PAK1: variants seen among roughly 807,000 people sequenced by gnomAD.
PAK1 encodes p21 (RAC1) activated kinase 1.
PAK1 carries 29 observed loss-of-function variants against 67.4 expected under a neutral mutation model. That is an observed-to-expected ratio of 0.43 (90% CI 0.32 to 0.59). The LOEUF (loss-of-function observed/expected upper bound fraction) is 0.59. Among genes scored for constraint, PAK1 ranks in the 20% least tolerant of loss-of-function variants. PAK1 has a pLI of 0.07. For synonymous variants in PAK1, 223 were observed against 237.4 expected, an observed-to-expected ratio of 0.94 and a Z score of 0.56; for missense variants, 337 against 670.7, an observed-to-expected ratio of 0.50 and a Z score of 5.50.
At chr11:77,488,771 T>TA in the PAK1 span, among the ~76,000 whole-genome samples, 1 of 151,744 alleles carries the variant, frequency 6.6e-6, no homozygotes, top group Admixed American at 6.6e-5. Context: ...AAGAATTTTT[T>TA]AAAAAAGGAA....
At chr11:77,362,783 A>AATAGT (rs1457324286) in intron 5 of PAK1, among the ~76,000 whole-genome samples, 2 of 152,248 alleles carry the variant, frequency 1.3e-5, no homozygotes, top group African/African-American at 2.4e-5. Context: ...TGTCTTATCC[A>AATAGT]ATAGTAGTAT....
At chr11:77,372,330 T>C (rs985690417) in intron 5 of PAK1, among the ~76,000 whole-genome samples, 1 of 152,182 alleles carries the variant, frequency 6.6e-6, no homozygotes, top group Non-Finnish European at 1.5e-5. Context: ...GAAAGCAGTA[T>C]AGGCTGGGAA....
chr11:77,488,772 A>T, the PAK1 span, among the ~76,000 whole-genome samples: 8 of 152,114 alleles, frequency 5.3e-5, no homozygotes, highest in South Asian at 1.7e-3. Context: ...AGAATTTTTT[A>T]AAAAAGGAAG....
chr11:77,394,015 G>T (rs1432273967), intron 1 of PAK1, among the ~76,000 whole-genome samples: 1 of 152,000 alleles, frequency 6.6e-6, no homozygotes, highest in Admixed American at 6.6e-5. Flanking sequence ...AATAAATAAA[G>T]ATGGGGGGGA....
At chr11:77,355,247 T>C (rs1226018027) in intron 7 of PAK1, among the ~76,000 whole-genome samples, 6 of 152,140 alleles carry the variant, frequency 3.9e-5, no homozygotes, top group African/African-American at 1.4e-4. Context: ...TAACTTCCCT[T>C]CCCTCTTTTC....
chr11:77,465,457 G>GA (rs1957553717), intron 1 of PAK1, among the ~76,000 whole-genome samples: 1 of 151,940 alleles, frequency 6.6e-6, no homozygotes, highest in South Asian at 2.1e-4. Flanking sequence ...ATAATCTCTA[G>GA]AAAGTCCAGG....
At chr11:77,454,276 G>A (rs1956987691) in intron 1 of PAK1, among the ~76,000 whole-genome samples, 1 of 151,324 alleles carries the variant, frequency 6.6e-6, no homozygotes, top group Non-Finnish European at 1.5e-5. Context: ...AGACCAGGAT[G>A]AGAATCCAAA....
At chr11:77,397,783 C>A (rs969922866) in intron 1 of PAK1, among the ~76,000 whole-genome samples, 4 of 152,174 alleles carry the variant, frequency 2.6e-5, no homozygotes, top group Non-Finnish European at 5.9e-5. Flanking sequence ...ACATCAAAGC[C>A]AAAGGCTTCT....
At chr11:77,363,520 G>T (rs1211117490) in intron 5 of PAK1, among the ~76,000 whole-genome samples, 2 of 152,160 alleles carry the variant, frequency 1.3e-5, no homozygotes, top group African/African-American at 4.8e-5. Flanking sequence ...TAAACCTTCT[G>T]TTCCTTAGCC....
the PAK1 span, among the ~76,000 whole-genome samples, chr11:77,487,395 G>T: frequency 6.6e-6 from 1 of 152,024 alleles, no homozygotes; most frequent in Non-Finnish European, 1.5e-5. Flanking sequence ...AGCTATGGTA[G>T]CCACAGGGAG....
At position 77,336,181 on chromosome 11, in the gene PAK1, C is replaced by T; in HGVS notation, c.1318G>A (p.Ala440Thr). Residue 440 changes from alanine (A) to threonine (T), a missense_variant, in exon 13 of 15, where the codon GCC (alanine) becomes ACC (threonine). By Grantham distance (58) the Ala-to-Thr change is moderately conservative. This residue lies in a region of PAK1 where 71 missense variants were observed against 160.5 expected (regional missense o/e 0.44). Coordinates refer to ENST00000356341, the MANE Select transcript of PAK1 (RefSeq NM_002576.5). ...WMAPEVVTRKAYGPKVDIWSL... is the reference protein window; with the variant it reads ...WMAPEVVTRKTYGPKVDIWSL... ...CAGATGTCAACCTTGGGCCCATAGG[C>T]CTTTCGTGTCACAACCTCTGGTGCC... is the stretch of plus-strand genomic sequence containing the variant. 1.2e-6 allele frequency: 2 copies of T among 1,613,908 alleles called. No individual in the cohort carries two copies. The highest frequency in any genetic ancestry group is 1.7e-6 in the Non-Finnish European group (2 of 1,179,766).
At chr11:77,364,729 T>C (rs1283139414) in intron 5 of PAK1, among the ~76,000 whole-genome samples, 4 of 152,160 alleles carry the variant, frequency 2.6e-5, no homozygotes, top group East Asian at 1.9e-4. Flanking sequence ...TCCCCAAATG[T>C]TGGCTTTAGA....
At chr11:77,354,610 T>A (rs1207438501) in intron 7 of PAK1, among the ~76,000 whole-genome samples, 1 of 152,224 alleles carries the variant, frequency 6.6e-6, no homozygotes, top group Non-Finnish European at 1.5e-5. Flanking sequence ...AGAACAAGAC[T>A]ACATACAGGA....
At chr11:77,416,750 A>C (rs376742435) in intron 1 of PAK1, among the ~76,000 whole-genome samples, 1 of 152,152 alleles carries the variant, frequency 6.6e-6, no homozygotes. Context: ...TCAGGAGATC[A>C]AGACCATCCT....
At chr11:77,470,335 C>G (rs937613719) in intron 1 of PAK1, among the ~76,000 whole-genome samples, 10 of 152,208 alleles carry the variant, frequency 6.6e-5, no homozygotes, top group African/African-American at 1.9e-4. Flanking sequence ...TTCTCCCCCC[C>G]TTTATGATCA....
At chr11:77,470,807 C>G (rs898589059) in intron 1 of PAK1, among the ~76,000 whole-genome samples, 43 of 152,128 alleles carry the variant, frequency 2.8e-4, no homozygotes, top group African/African-American at 1.0e-3. Flanking sequence ...AGAAACAATC[C>G]TGGCTTGGAA....
In PAK1 at chr11:77,407,817, G is replaced by C. The variant is rs115665397; in HGVS notation, c.-21-15276C>G. Among the ~76,000 whole-genome samples, 313 of 152,320 alleles carry C rather than the reference G, an allele frequency of 2.1e-3. 3 individuals carry two copies. The highest frequency in any genetic ancestry group is 7.1e-3 in the African/African-American group (297 of 41,566). The stretch of plus-strand genomic sequence containing the variant: ...AGCATATAGTCACCCAAGTGGCCTC[G>C]AGCCAGAAGTTAACAGGGACGAAGT... On this transcript the variant is annotated intron_variant, in intron 1 of 14. Transcript: ENST00000356341.
chr11:77,407,031 T>C (rs527536541), intron 1 of PAK1, among the ~76,000 whole-genome samples: 181 of 152,296 alleles, frequency 1.2e-3, no homozygotes, highest in African/African-American at 4.0e-3. Flanking sequence ...GTGCCTACTA[T>C]ATAATTATTA....
At chr11:77,431,100 T>C (rs1385729464) in intron 1 of PAK1, among the ~76,000 whole-genome samples, 5 of 147,244 alleles carry the variant, frequency 3.4e-5, no homozygotes, top group South Asian at 2.2e-4. Context: ...CATGGAAAAA[T>C]TGTCTTCCCT....
Sources: allele counts gnomAD v4.1 joint callset (sites outside exome capture counted in the v4.1 genomes callset), GRCh38; gene constraint gnomAD v4.1.1; regional missense constraint gnomAD v4.1.1; transcripts MANE v1.5; gene names NCBI Gene and HGNC (gene_info 2026-07-23, HGNC 2026-07-21).